Variants in UBE2U observed in about 807,000 individuals in gnomAD.
UBE2U encodes the protein ubiquitin-conjugating enzyme E2 U.
In UBE2U, 39 loss-of-function variants were observed where a neutral mutation model predicts 41.2. The ratio of observed to expected loss-of-function variants is 0.95; its 90% CI spans 0.73 to 1.24. The LOEUF is 1.24. UBE2U is among the 50% of genes most tolerant of loss of function. UBE2U has a pLI of 0.00. For missense variants in UBE2U, 336 were observed against 363.1 expected (o/e 0.93, Z 0.61); for synonymous variants, 107 against 117.8 (o/e 0.91, Z 0.60).
intron 8 of UBE2U, among the ~76,000 whole-genome samples, chr1:64,257,424 T>C (rs1645111355): frequency 1.3e-5 from 2 of 152,304 alleles, no homozygotes; most frequent in East Asian, 3.9e-4. Context: ...TGGAATACTA[T>C]GCAGCCACAA....
At chr1:64,224,722 CAAA>C (rs5774690) in intron 6 of UBE2U, among the ~76,000 whole-genome samples, 2 of 133,166 alleles carry the variant, frequency 1.5e-5, no homozygotes, top group Non-Finnish European at 1.6e-5. Flanking sequence ...GACTCTGTGT[CAAA>C]AAAAAAAAAA....
intron 8 of UBE2U, among the ~76,000 whole-genome samples, chr1:64,242,417 G>C (rs1644851503): frequency 6.6e-6 from 1 of 152,006 alleles, no homozygotes; most frequent in African/African-American, 2.4e-5. Context: ...CTGAGTGTGT[G>C]ACCATAAAGG....
At chr1:64,239,062 A>AGAAGAAGAAGAG (rs1557729295) in intron 7 of UBE2U, among the ~76,000 whole-genome samples, 10 of 71,320 alleles carry the variant, frequency 1.4e-4, no homozygotes, top group African/African-American at 2.7e-4. Flanking sequence ...AAGAAGAAGA[A>AGAAGAAGAAGAG]GAAGAGGAAG....
chr1:64,249,222 C>CA (rs1319157135), intron 8 of UBE2U, among the ~76,000 whole-genome samples: 1 of 151,320 alleles, frequency 6.6e-6, no homozygotes, highest in Non-Finnish European at 1.5e-5. Context: ...ATTAAAAATA[C>CA]AAAAAATTAG....
chr1:64,229,948 C>A (rs1345732282), intron 6 of UBE2U, among the ~76,000 whole-genome samples: 1 of 152,208 alleles, frequency 6.6e-6, no homozygotes, highest in Non-Finnish European at 1.5e-5. Flanking sequence ...TCTGTACTAA[C>A]AGCACCTGAA....
At chr1:64,263,645 T>C (rs1226361425) in intron 9 of UBE2U, among the ~76,000 whole-genome samples, 1 of 152,138 alleles carries the variant, frequency 6.6e-6, no homozygotes, top group Non-Finnish European at 1.5e-5. Context: ...CAAAGGGAAG[T>C]ATGACTCAGA....
chr1:64,225,541 A>G (rs1454282876), intron 6 of UBE2U, among the ~76,000 whole-genome samples: 2 of 152,260 alleles, frequency 1.3e-5, no homozygotes, highest in African/African-American at 4.8e-5. Context: ...AGTACTTTTA[A>G]CTGCCATGAG....
chr1:64,217,722 T>G (rs1232093675), intron 5 of UBE2U, among the ~76,000 whole-genome samples: 1 of 152,186 alleles, frequency 6.6e-6, no homozygotes, highest in African/African-American at 2.4e-5. Context: ...GAGGATCATC[T>G]AATACATTTC....
At chr1:64,257,806 T>A (rs1645118544) in intron 8 of UBE2U, among the ~76,000 whole-genome samples, 1 of 152,010 alleles carries the variant, frequency 6.6e-6, no homozygotes, top group Non-Finnish European at 1.5e-5. Context: ...ACTAATTATA[T>A]GTTATGTGAA....
Position 64,221,535 on chromosome 1 carries a change from TA to T in UBE2U, c.506+630del, listed in dbSNP as rs149558592. On this transcript the variant is annotated intron_variant, in intron 6 of 9. Coordinates refer to ENST00000371077, the MANE Select transcript of UBE2U (RefSeq NM_001366232.2). ...GAAGATAAGGTCTAGATAAAAATGG[TA>T]AGAGTTAGGGCTGAAGCCATTGTAC... is the stretch of plus-strand genomic sequence containing the variant. 8.1e-3 allele frequency among the ~76,000 whole-genome samples: 1,236 copies of T among 152,306 alleles called. 16 individuals carry two copies. Among genetic ancestry groups the T allele is most frequent in the African/African-American group, 0.028 (1,162 of 41,552 alleles).
At chr1:64,217,639 A>C (rs1652117376) in intron 5 of UBE2U, among the ~76,000 whole-genome samples, 1 of 152,164 alleles carries the variant, frequency 6.6e-6, no homozygotes, top group South Asian at 2.1e-4. Context: ...AGTAAAGCTG[A>C]GTGATGGTAG....
At chr1:64,244,353 A>G (rs1644886272) in intron 8 of UBE2U, 8 of 775,944 alleles carry the variant, frequency 1.0e-5, no homozygotes, top group Non-Finnish European at 1.3e-5. Flanking sequence ...TGTATATTAT[A>G]TATCTGTTAC....
intron 5 of UBE2U, among the ~76,000 whole-genome samples, chr1:64,219,860 A>C (rs1187764372): frequency 6.6e-6 from 1 of 152,180 alleles, no homozygotes; most frequent in Non-Finnish European, 1.5e-5. Context: ...GGCCTCCCAA[A>C]GTGCTGGGAT....
At chr1:64,223,572 T>G (rs1331377028) in intron 6 of UBE2U, among the ~76,000 whole-genome samples, 2 of 152,208 alleles carry the variant, frequency 1.3e-5, no homozygotes, top group Non-Finnish European at 2.9e-5. Context: ...CTGGGGCCTC[T>G]TTTAAGTGGA....
intron 4 of UBE2U, among the ~76,000 whole-genome samples, chr1:64,212,724 C>T (rs1016439605): frequency 6.6e-6 from 1 of 152,106 alleles, no homozygotes; most frequent in Non-Finnish European, 1.5e-5. Flanking sequence ...CTGAAATACT[C>T]CAGTGAGCAT....
chr1:64,211,001 C>T (rs1185695970), intron 4 of UBE2U, among the ~76,000 whole-genome samples, 162 bp downstream of exon 4: 1 of 152,164 alleles, frequency 6.6e-6, no homozygotes, highest in African/African-American at 2.4e-5. Context: ...GTGGAACTTA[C>T]TTAAATTATA....
intron 8 of UBE2U, among the ~76,000 whole-genome samples, chr1:64,245,097 A>G (rs1644898150): frequency 6.6e-6 from 1 of 152,196 alleles, no homozygotes; most frequent in African/African-American, 2.4e-5. Context: ...TAATTTGGCA[A>G]GTCTTTGTTA....
At chr1:64,239,157 A>AAGGAAGAAGAAGG in intron 7 of UBE2U, among the ~76,000 whole-genome samples, 1 of 37,064 alleles carries the variant, frequency 2.7e-5, no homozygotes, top group African/African-American at 8.5e-5. Context: ...GAAGAAGAAG[A>AAGGAAGAAGAAGG]AAGAAGAAGA....
intron 7 of UBE2U, among the ~76,000 whole-genome samples, chr1:64,234,035 CT>C (rs1193592855): frequency 2.0e-5 from 3 of 152,196 alleles, no homozygotes; most frequent in African/African-American, 7.2e-5. Context: ...TCAGTCCTCT[CT>C]ACTTACTCTC....
Sources: allele counts gnomAD v4.1 joint callset (sites outside exome capture counted in the v4.1 genomes callset), GRCh38; gene constraint gnomAD v4.1.1; transcripts MANE v1.5; gene names NCBI Gene and HGNC (gene_info 2026-07-23, HGNC 2026-07-21).